The following PARD3B variants were observed in gnomAD, a reference collection of about 807,000 sequenced individuals.
PARD3B encodes partitioning defective 3 homolog B.
Under a neutral mutation model 130.2 loss-of-function variants are expected in PARD3B, and 103 were observed. The observed-to-expected ratio is 0.79, with a 90% CI of 0.67 to 0.93. The LOEUF is 0.93. Among genes scored for constraint, PARD3B ranks in the 40% least tolerant of loss-of-function variants. The pLI is 0.00. For synonymous variants in PARD3B, 583 were observed against 553.2 expected (o/e 1.05, Z -0.76); for missense variants, 1,609 against 1,499.2 (o/e 1.07, Z -1.21).
In PARD3B at chr2:205,550,761, T is replaced by C. The variant is rs2052579341; in HGVS notation, c.3181-2563T>C. Among the ~76,000 whole-genome samples, 1 of 151,098 alleles carries C rather than the reference T, an allele frequency of 6.6e-6. No individual in the cohort carries two copies. The highest frequency in any genetic ancestry group is 2.4e-5 in the African/African-American group (1 of 41,158). ...TAGGTGTGTGTATGTATACTATATA[T>C]AAATACATATATGTATATACATGCA... On this transcript the variant is annotated intron_variant, in intron 21 of 22. Transcript: ENST00000406610. This position sits in a 1 kb window ranked among gnomAD's most constrained non-coding sequence, Gnocchi z 4.5.
intron 4 of PARD3B, 51 bp from the exon 5 acceptor site, chr2:205,104,375 T>C (rs1575793707): frequency 4.5e-6 from 6 of 1,323,678 alleles, no homozygotes; most frequent in Middle Eastern, 1.8e-4. Context: ...TATTCAGATT[T>C]TCAATTCAAT....
At chr2:205,251,650 A>C (rs980884587) in intron 16 of PARD3B, among the ~76,000 whole-genome samples, 1 of 152,180 alleles carries the variant, frequency 6.6e-6, no homozygotes, top group African/African-American at 2.4e-5. Context: ...TTGAATGTGC[A>C]TTTACACTTT....
At chr2:204,786,941 C>G (rs2042030062) in intron 2 of PARD3B, among the ~76,000 whole-genome samples, 1 of 152,016 alleles carries the variant, frequency 6.6e-6, no homozygotes, top group African/African-American at 2.4e-5. Flanking sequence ...ATAATCGTGA[C>G]TTAAAGACCT....
intron 16 of PARD3B, among the ~76,000 whole-genome samples, chr2:205,270,117 T>C (rs1271726171): frequency 6.6e-6 from 1 of 152,160 alleles, no homozygotes; most frequent in Non-Finnish European, 1.5e-5. Flanking sequence ...CCCACAAATA[T>C]GTATACCTAC....
chr2:205,343,965 C>A (rs906154810), intron 18 of PARD3B, among the ~76,000 whole-genome samples: 2 of 152,120 alleles, frequency 1.3e-5, no homozygotes, highest in Non-Finnish European at 2.9e-5. Flanking sequence ...CTTTTCTTTT[C>A]TTCTCTTTTA....
At position 205,300,698 on chromosome 2, in the gene PARD3B, T is replaced by C. The variant is rs2041964401; in HGVS notation, c.2354T>C (p.Ile785Thr). The C allele has an allele frequency of 4.3e-6, 7 of 1,613,782 alleles. No homozygotes were observed. Among genetic ancestry groups the C allele is most frequent in the East Asian group, 2.2e-5 (1 of 44,870 alleles). The change falls in exon 17 of 23, where the codon ATT becomes ACT. Residue 785 changes from isoleucine to threonine, a missense_variant. By Grantham distance (89) the Ile-to-Thr change is moderately conservative. Transcript: ENST00000406610. This position sits in a 1 kb window ranked among gnomAD's most constrained non-coding sequence, Gnocchi z 4.1. ...RGCNESFRAAIDKSYDGPEEI... is the reference protein window; with the variant it reads ...RGCNESFRAATDKSYDGPEEI... ...TGCAATGAGAGCTTTAGAGCAGCCATTGACAAATCCTACGATGGACCTGAA... is the reference window on the plus strand; with the variant it reads ...TGCAATGAGAGCTTTAGAGCAGCCACTGACAAATCCTACGATGGACCTGAA...
intron 1 of PARD3B, among the ~76,000 whole-genome samples, chr2:204,684,737 T>C (rs1204757440): frequency 6.6e-6 from 1 of 152,206 alleles, no homozygotes; most frequent in Non-Finnish European, 1.5e-5. Context: ...ACTGCTTATA[T>C]CTTTGAGATC....
intron 2 of PARD3B, among the ~76,000 whole-genome samples, chr2:204,868,703 CTTTAGA>C (rs1242437756): frequency 6.6e-6 from 1 of 152,088 alleles, no homozygotes; most frequent in Non-Finnish European, 1.5e-5. Flanking sequence ...GTCATAAATA[CTTTAGA>C]TTTAGATAGG....
intron 3 of PARD3B, among the ~76,000 whole-genome samples, chr2:205,035,842 T>G (rs1697816022): frequency 7.8e-6 from 1 of 128,882 alleles, no homozygotes; most frequent in African/African-American, 2.9e-5. Flanking sequence ...TATATATATA[T>G]ATAGTGGGCT....
rs540842062 is a variant in PARD3B, at chr2:204,823,618, C to A, written c.222+137336C>A. On this transcript the variant is annotated intron_variant, in intron 2 of 22. Coordinates refer to ENST00000406610, the MANE Select transcript of PARD3B (RefSeq NM_001302769.2). ...TGCTTATTGGCACTGATACTTATTT[C>A]CTTATTAATATCAGAAAAATATAGA... Among the ~76,000 whole-genome samples, 24 of 152,098 alleles carry A rather than the reference C, an allele frequency of 1.6e-4. No individual in the cohort carries two copies. The East Asian group carries it at 4.5e-3, about 28-fold the overall frequency.
At chr2:205,231,484 GC>G (rs1392553695) in intron 15 of PARD3B, among the ~76,000 whole-genome samples, 1 of 150,516 alleles carries the variant, frequency 6.6e-6, no homozygotes, top group African/African-American at 2.5e-5. Flanking sequence ...ATAACACCAT[GC>G]CCAACTAATT....
chr2:205,389,679 C>G (rs1302448229), intron 18 of PARD3B, among the ~76,000 whole-genome samples: 1 of 152,180 alleles, frequency 6.6e-6, no homozygotes, highest in African/African-American at 2.4e-5. Flanking sequence ...AGGATGCAAT[C>G]TAATGTCAAA....
intron 2 of PARD3B, among the ~76,000 whole-genome samples, chr2:204,896,311 T>C (rs1277791865): frequency 1.3e-5 from 2 of 152,132 alleles, no homozygotes; most frequent in African/African-American, 2.4e-5. Flanking sequence ...TAAGAGGAAG[T>C]TGGTCTTGGC....
At chr2:204,913,867 C>T (rs1319685836) in intron 2 of PARD3B, among the ~76,000 whole-genome samples, 3 of 152,182 alleles carry the variant, frequency 2.0e-5, no homozygotes, top group African/African-American at 2.4e-5. Flanking sequence ...GTCTACTTAA[C>T]GGACAGAACT....
intron 13 of PARD3B, among the ~76,000 whole-genome samples, chr2:205,178,222 G>GC (rs1405067604): frequency 1.7e-4 from 4 of 23,492 alleles, no homozygotes; most frequent in Admixed American, 9.6e-4. Flanking sequence ...CAGCTACTAT[G>GC]GGGGGGGAAA....
chr2:205,451,909 C>A lies in PARD3B; in HGVS notation c.3044+11237C>A, dbSNP rs529939264. ...CCTGTTGTGCTATCAAATACTAGGT[C>A]TTGCTTATTCTTTCTAACTATTTCT... On this transcript the variant is annotated intron_variant, in intron 20 of 22. Transcript: ENST00000406610. 7.0e-4 allele frequency among the ~76,000 whole-genome samples: 106 copies of A among 152,214 alleles called. 1 individual carries two copies. Among genetic ancestry groups the A allele is most frequent in the African/African-American group, 2.5e-3 (104 of 41,548 alleles).
At chr2:205,541,359 T>C (rs2052125112) in intron 21 of PARD3B, among the ~76,000 whole-genome samples, 2 of 151,190 alleles carry the variant, frequency 1.3e-5, no homozygotes, top group South Asian at 4.2e-4. Context: ...TTTTTTTTTT[T>C]TTTTTTGAGA....
intron 22 of PARD3B, among the ~76,000 whole-genome samples, chr2:205,604,189 G>A (rs985248958): frequency 2.0e-5 from 3 of 152,068 alleles, no homozygotes; most frequent in Admixed American, 1.3e-4. Flanking sequence ...GTCTCCTCTG[G>A]CTTGTAGGGT....
intron 5 of PARD3B, among the ~76,000 whole-genome samples, chr2:205,106,407 C>T (rs1178647365): frequency 6.6e-6 from 1 of 151,838 alleles, no homozygotes; most frequent in Non-Finnish European, 1.5e-5. Flanking sequence ...CCTCAGCCTC[C>T]CAAAGTGCTG....
Sources: gnomAD v4.1 joint callset for allele counts (sites outside exome capture counted in the v4.1 genomes callset) on GRCh38, gnomAD v4.1.1 for gene constraint, Gnocchi (gnomAD v3.1) non-coding constraint, MANE v1.5 for transcripts, NCBI Gene and HGNC (gene_info 2026-07-23, HGNC 2026-07-21) for gene names.